Variants in RASEF observed in about 807,000 individuals in gnomAD.
RASEF encodes the protein ras and EF-hand domain-containing protein.
RASEF carries 68 observed loss-of-function variants against 90.1 expected under a neutral mutation model. That is an observed-to-expected ratio of 0.75 (90% confidence interval 0.62 to 0.92). The LOEUF (loss-of-function observed/expected upper bound fraction) is 0.92, where lower values mean the gene tolerates loss of function less well. Among genes scored for constraint, RASEF ranks in the 40% least tolerant of loss-of-function variants. RASEF has a pLI of 0.00. For missense variants in RASEF, 949 were observed against 937.2 expected (o/e 1.01, Z -0.16); for synonymous variants, 331 against 345.2 (o/e 0.96, Z 0.46).
chr9:83,071,337 T>C, the RASEF span, among the ~76,000 whole-genome samples: 1 of 152,198 alleles, frequency 6.6e-6, no homozygotes, highest in Admixed American at 6.5e-5. Flanking sequence ...ATGAGTGGAT[T>C]TTGTATTTTG....
chr9:83,091,790 A>G, the RASEF span, among the ~76,000 whole-genome samples: 1 of 152,032 alleles, frequency 6.6e-6, no homozygotes, highest in Non-Finnish European at 1.5e-5. Context: ...GGGGTCTTCC[A>G]GGGAATTACC....
At chr9:83,164,091 A>G in the RASEF span, among the ~76,000 whole-genome samples, 4 of 151,246 alleles carry the variant, frequency 2.6e-5, no homozygotes, top group African/African-American at 9.6e-5. Flanking sequence ...GACAAACAAA[A>G]ATTGAGTGGA....
chr9:83,015,986 C>T (rs1829336647), intron 3 of RASEF, 86 bp from the exon 4 acceptor site: 1 of 966,202 alleles, frequency 1.0e-6, no homozygotes, highest in African/African-American at 1.6e-5. Context: ...CATTTTGTGT[C>T]AAATTAAGGC....
the RASEF span, among the ~76,000 whole-genome samples, chr9:83,140,627 C>T: frequency 6.6e-6 from 1 of 152,104 alleles, no homozygotes; most frequent in Non-Finnish European, 1.5e-5. Context: ...AACAGAGTCA[C>T]ACTTTATTCA....
chr9:83,093,564 GCCAGCAGGGCTGGC>G, the RASEF span, among the ~76,000 whole-genome samples: 3 of 152,234 alleles, frequency 2.0e-5, no homozygotes, highest in Non-Finnish European at 4.4e-5. Flanking sequence ...ATTGCCCAGG[GCCAGCAGGGCTGGC>G]CGAGCCGGTC....
upstream of RASEF, among the ~76,000 whole-genome samples, chr9:83,067,175 G>A (rs1830288127): frequency 6.6e-6 from 1 of 152,132 alleles, no homozygotes; most frequent in Non-Finnish European, 1.5e-5. Flanking sequence ...CTTTGCCCCA[G>A]AAAGATCCGA....
chr9:83,187,064 T>C, the RASEF span, among the ~76,000 whole-genome samples: 1 of 152,110 alleles, frequency 6.6e-6, no homozygotes, highest in Non-Finnish European at 1.5e-5. Flanking sequence ...CTAGAGACCA[T>C]GCCCATAGCT....
the RASEF span, among the ~76,000 whole-genome samples, chr9:83,069,688 A>G: frequency 6.6e-6 from 1 of 152,298 alleles, no homozygotes; most frequent in East Asian, 1.9e-4. Context: ...GTTCCTAGCA[A>G]TAAGATTGCT....
At chr9:82,999,332 T>C (rs1587483027) in intron 12 of RASEF, among the ~76,000 whole-genome samples, 1 of 152,116 alleles carries the variant, frequency 6.6e-6, no homozygotes, top group Non-Finnish European at 1.5e-5. Context: ...TATTGTCACT[T>C]TGTCAACATC....
At chr9:83,058,495 T>C (rs1830142985) in intron 1 of RASEF, among the ~76,000 whole-genome samples, 1 of 152,146 alleles carries the variant, frequency 6.6e-6, no homozygotes, top group Non-Finnish European at 1.5e-5. Context: ...TTTATGTCTT[T>C]CTTTGCCTCT....
At chr9:83,092,012 T>TC in the RASEF span, among the ~76,000 whole-genome samples, 1 of 129,096 alleles carries the variant, frequency 7.7e-6, no homozygotes, top group Non-Finnish European at 1.6e-5. Flanking sequence ...TCTTTTTTTT[T>TC]TTTTTTTTTT....
the RASEF span, among the ~76,000 whole-genome samples, chr9:83,134,407 A>AGT: frequency 3.6e-5 from 3 of 82,844 alleles, no homozygotes; most frequent in South Asian, 9.9e-4. Context: ...TGATCACAAT[A>AGT]GCGCACACAC....
the RASEF span, among the ~76,000 whole-genome samples, chr9:83,200,035 C>T: frequency 1.3e-5 from 2 of 152,164 alleles, no homozygotes; most frequent in African/African-American, 4.8e-5. Context: ...TGCTCTGTAA[C>T]GATGACATGT....
intron 16 of RASEF, among the ~76,000 whole-genome samples, chr9:82,985,537 G>A (rs1281516468): frequency 6.6e-6 from 1 of 152,134 alleles, no homozygotes; most frequent in Non-Finnish European, 1.5e-5. Context: ...TAAGGAGCTG[G>A]GACTCTGTGT....
At chr9:83,096,639 C>T in the RASEF span, among the ~76,000 whole-genome samples, 349 of 150,274 alleles carry the variant, frequency 2.3e-3, 3 homozygotes, top group African/African-American at 8.1e-3. Context: ...TTTTTTTTTT[C>T]TTTTATTATA....
chr9:83,088,372 GGATAGATA>G, the RASEF span, among the ~76,000 whole-genome samples: 462 of 147,576 alleles, frequency 3.1e-3, 5 homozygotes, highest in Middle Eastern at 0.021. Context: ...ATAGATAGAT[GGATAGATA>G]GATAGATAGA....
At chr9:83,044,676 C>T (rs1829898022) in intron 1 of RASEF, among the ~76,000 whole-genome samples, 2 of 152,158 alleles carry the variant, frequency 1.3e-5, no homozygotes, top group South Asian at 2.1e-4. Context: ...CAAAAACGCT[C>T]TGTGATCTCA....
At chr9:83,021,702 T>G (rs1346094882) in intron 3 of RASEF, among the ~76,000 whole-genome samples, 2 of 152,190 alleles carry the variant, frequency 1.3e-5, no homozygotes, top group Non-Finnish European at 2.9e-5. Flanking sequence ...GTGTTAAATA[T>G]TAGGTATTAT....
chr9:83,054,411 C>G (rs1220659346), intron 1 of RASEF, among the ~76,000 whole-genome samples: 1 of 23,974 alleles, frequency 4.2e-5, no homozygotes, highest in Non-Finnish European at 7.2e-5. Flanking sequence ...CCTTTAAGCA[C>G]TTCTCTGTAT....
Sources: gnomAD v4.1 joint callset for allele counts (sites outside exome capture counted in the v4.1 genomes callset) on GRCh38, gnomAD v4.1.1 for gene constraint, MANE v1.5 for transcripts, NCBI Gene and HGNC (gene_info 2026-07-23, HGNC 2026-07-21) for gene names.